PCDHA9: variants seen among roughly 807,000 people sequenced by gnomAD.
PCDHA9 encodes the protein protocadherin alpha 9.
Under a neutral mutation model 62.0 loss-of-function variants are expected in PCDHA9, and 62 were observed. The observed-to-expected ratio is 1.00, with a 90% confidence interval of 0.81 to 1.23. The LOEUF (loss-of-function observed/expected upper bound fraction) is 1.23. Among genes scored for constraint, PCDHA9 ranks in the 50% most tolerant of loss-of-function variants. The pLI, the probability that PCDHA9 is intolerant of heterozygous loss-of-function variation, is 0.00. For missense variants in PCDHA9, 1,205 were observed against 1,249.8 expected, an observed-to-expected ratio of 0.96 and a Z score of 0.54; for synonymous variants, 557 against 567.6, an observed-to-expected ratio of 0.98 and a Z score of 0.27.
intron 1 of PCDHA9, chr5:140,926,257 C>T (rs888723043): frequency 5.2e-5 from 8 of 152,418 alleles, no homozygotes; most frequent in African/African-American, 1.4e-4. Context: ...ACCGTCCCGC[C>T]TCTCGCCGCC....
At chr5:140,902,437 T>A (rs2069464443) in intron 1 of PCDHA9, among the ~76,000 whole-genome samples, 3 of 152,154 alleles carry the variant, frequency 2.0e-5, no homozygotes, top group Admixed American at 2.0e-4. Context: ...GGCATCCTTG[T>A]CATATTCTAG....
In PCDHA9 at chr5:141,010,033, G is replaced by A. The variant is rs2098415819; in HGVS notation, c.*96G>A. 1.9e-6 allele frequency: 3 copies of A among 1,581,924 alleles called. No homozygotes were observed. The South Asian group carries it at 3.6e-5, about 19-fold the overall frequency. ...CCCTGCTCCTTTTTCCTATCTACAT[G>A]AGCCCTCTTAGAGACCTCAGAAATC... On this transcript the variant is annotated 3_prime_UTR_variant, in exon 4 of 4. Transcript: ENST00000532602.
intron 3 of PCDHA9, among the ~76,000 whole-genome samples, chr5:140,989,275 G>A (rs2097335515): frequency 6.6e-6 from 1 of 152,096 alleles, no homozygotes; most frequent in African/African-American, 2.4e-5. Context: ...TTTCTGCTGG[G>A]GACATCTCAG....
In PCDHA9 at chr5:140,849,874, A is replaced by G; in HGVS notation, c.1379A>G (p.Tyr460Cys). 1 of 1,598,610 alleles carries G rather than the reference A, an allele frequency of 6.3e-7. No homozygotes were observed. ...GCACCAGCGTTCGCGCAGTCCGAGTACACGGTGTTCGTGAAGGAGAACAAC... is the reference window on the plus strand; with the variant it reads ...GCACCAGCGTTCGCGCAGTCCGAGTGCACGGTGTTCGTGAAGGAGAACAAC... ...DNAPAFAQSE[Y>C]TVFVKENNPP... Residue 460 changes from tyrosine to cysteine, a missense_variant, in exon 1 of 4, where the codon TAC becomes TGC. By Grantham distance (194) the Tyr-to-Cys change is radical (BLOSUM62 -2). Transcript: ENST00000532602.
intron 1 of PCDHA9, chr5:140,854,630 AG>A (rs1201731604): frequency 6.7e-6 from 1 of 150,240 alleles, no homozygotes; most frequent in African/African-American, 2.4e-5. Flanking sequence ...TCTTTAGAAA[AG>A]TCAAAACATC....
chr5:140,871,565 G>T, intron 1 of PCDHA9: 2 of 1,483,114 alleles, frequency 1.3e-6, no homozygotes, highest in South Asian at 2.7e-5. Context: ...TTTTTTTCAC[G>T]GATTTTTTAA....
chr5:140,887,321 C>A (rs1277860165), intron 1 of PCDHA9, among the ~76,000 whole-genome samples: 4 of 152,150 alleles, frequency 2.6e-5, no homozygotes, highest in Non-Finnish European at 5.9e-5. Flanking sequence ...TAGTCTCGAA[C>A]TCCTGACCTC....
rs781863404 is a variant in PCDHA9, at chr5:141,010,259, G to C, written c.*322G>C. 6.4e-7 allele frequency: 1 copy of C among 1,551,820 alleles called. No individual in the cohort carries two copies. The highest frequency in any genetic ancestry group is 1.2e-5 in the South Asian group (1 of 84,074). On this transcript the variant is annotated 3_prime_UTR_variant, in exon 4 of 4. Coordinates refer to ENST00000532602, the MANE Select transcript of PCDHA9 (RefSeq NM_031857.2). Reference sequence around the variant, plus strand: ...TGAGAGGTTGGACTCTCTGCCCTGTGCTCCGGGGATCCTGTCTTGATGACA... The same window carrying C: ...TGAGAGGTTGGACTCTCTGCCCTGTCCTCCGGGGATCCTGTCTTGATGACA...
At chr5:140,861,115 A>G (rs1466747567) in intron 1 of PCDHA9, 1 of 152,586 alleles carries the variant, frequency 6.6e-6, no homozygotes, top group Non-Finnish European at 1.5e-5. Context: ...AAAACTACAA[A>G]CACCCATTAA....
chr5:140,902,290 A>G (rs1252691615), intron 1 of PCDHA9, among the ~76,000 whole-genome samples: 1 of 146,394 alleles, frequency 6.8e-6, no homozygotes, highest in Non-Finnish European at 1.5e-5. Context: ...CTCCTGCCTC[A>G]GCCTCCCAAA....
chr5:140,981,260 T>C (rs975813904), intron 2 of PCDHA9, among the ~76,000 whole-genome samples: 11 of 152,324 alleles, frequency 7.2e-5, no homozygotes, highest in African/African-American at 2.4e-4. Flanking sequence ...ACTTTCAAGA[T>C]AAGCAAATGT....
chr5:140,933,653 GTCTC>G (rs1245688430), intron 1 of PCDHA9, among the ~76,000 whole-genome samples: 3 of 151,982 alleles, frequency 2.0e-5, no homozygotes, highest in East Asian at 1.9e-4. Context: ...TGGAAATCCT[GTCTC>G]TCTCTCTGTC....
intron 1 of PCDHA9, among the ~76,000 whole-genome samples, chr5:140,917,473 C>G (rs1355146896): frequency 1.3e-5 from 2 of 152,196 alleles, no homozygotes; most frequent in Admixed American, 1.3e-4. Flanking sequence ...GTCATGAAAT[C>G]TTTGCCAGGG....
intron 1 of PCDHA9, chr5:140,966,601 T>C: frequency 1.5e-6 from 1 of 652,170 alleles, no homozygotes; most frequent in East Asian, 3.4e-5. Flanking sequence ...CCAGGAGCCC[T>C]TGGGAGGGCC....
chr5:140,868,990 G>A (rs1554162367), intron 1 of PCDHA9: 39 of 1,511,606 alleles, frequency 2.6e-5, no homozygotes, highest in Non-Finnish European at 2.4e-5. Flanking sequence ...GGATGCCACC[G>A]TTTAAGGATC....
At chr5:140,870,065 C>T (rs2051628168) in intron 1 of PCDHA9, 2 of 1,613,794 alleles carry the variant, frequency 1.2e-6, no homozygotes, top group Non-Finnish European at 1.7e-6. Flanking sequence ...GAAGTACAGG[C>T]TACAGATAAG....
chr5:140,870,386 A>G (rs1209102528), intron 1 of PCDHA9: 1 of 1,614,082 alleles, frequency 6.2e-7, no homozygotes, highest in Middle Eastern at 1.6e-4. Flanking sequence ...ACTGCGCGGG[A>G]TGGGGGTTCG....
chr5:140,984,419 T>C (rs564096734), intron 3 of PCDHA9, among the ~76,000 whole-genome samples: 5 of 152,290 alleles, frequency 3.3e-5, no homozygotes, highest in African/African-American at 9.6e-5. Context: ...TTTACAGAGA[T>C]AGAGAAGGGG....
chr5:140,895,668 T>C (rs2065102216), intron 1 of PCDHA9, among the ~76,000 whole-genome samples: 1 of 152,170 alleles, frequency 6.6e-6, no homozygotes, highest in South Asian at 2.1e-4. Flanking sequence ...TGAGAACATG[T>C]AGTATTTGGT....
Sources: gnomAD v4.1 joint callset for allele counts (sites outside exome capture counted in the v4.1 genomes callset) on GRCh38, gnomAD v4.1.1 for gene constraint, MANE v1.5 for transcripts, NCBI Gene and HGNC (gene_info 2026-07-23, HGNC 2026-07-21) for gene names.